The following SLCO5A1 variants were observed in gnomAD, a reference collection of about 807,000 sequenced individuals.
SLCO5A1 encodes organic anion transporter polypeptide-related protein 4.
Under a neutral mutation model 65.1 loss-of-function variants are expected in SLCO5A1, and 39 were observed. The ratio of observed to expected loss-of-function variants is 0.60; its 90% CI spans 0.46 to 0.78. SLCO5A1 has a LOEUF of 0.78. Among genes scored for constraint, SLCO5A1 ranks in the 30% least tolerant of loss-of-function variants. The probability of loss-of-function intolerance (pLI) is 0.00; values close to 1 mark genes in which losing one functional copy is unlikely to be tolerated. For synonymous variants in SLCO5A1, 438 were observed against 415.7 expected (o/e 1.05, Z -0.65); for missense variants, 1,029 against 1,069.4 (o/e 0.96, Z 0.53).
chr8:69,733,997 G>T (rs1470983269), intron 5 of SLCO5A1, among the ~76,000 whole-genome samples: 1 of 151,162 alleles, frequency 6.6e-6, no homozygotes, highest in African/African-American at 2.4e-5. Flanking sequence ...AAGACCATGA[G>T]CAGGGAGAGC....
intron 2 of SLCO5A1, among the ~76,000 whole-genome samples, chr8:69,804,607 T>C (rs751635899): frequency 6.6e-6 from 1 of 152,216 alleles, no homozygotes; most frequent in African/African-American, 2.4e-5. Flanking sequence ...TGAGCCACCG[T>C]GCCCAGCTGC....
chr8:69,669,255 T>C lies in SLCO5A1; in HGVS notation c.*3614A>G, dbSNP rs1813264926. ...TAAATCTTGATATTTCCTACAGATG[T>C]TTCCTACAGTTTTTTTTATTTACAC... On this transcript the variant is annotated 3_prime_UTR_variant, in exon 10 of 10. Transcript: ENST00000260126. The C allele has an allele frequency of 6.6e-6, 1 of 152,224 alleles. No homozygotes were observed. The highest frequency in any genetic ancestry group is 1.5e-5 in the Non-Finnish European group (1 of 68,042). 9.4% of individuals were successfully genotyped at this position (152,224 alleles called of 1,614,324 possible). A position where few individuals can be genotyped will look rare whatever the true frequency, so the allele number is the denominator to read the frequency against.
intron 2 of SLCO5A1, among the ~76,000 whole-genome samples, chr8:69,786,255 G>A (rs1029033925): frequency 6.6e-6 from 1 of 152,118 alleles, no homozygotes; most frequent in Non-Finnish European, 1.5e-5. Context: ...TATCAGGGAT[G>A]GCCTGAATAA....
chr8:69,686,109 CCTAA>C (rs1813988049), intron 6 of SLCO5A1, among the ~76,000 whole-genome samples: 1 of 151,912 alleles, frequency 6.6e-6, no homozygotes, highest in South Asian at 2.1e-4. Flanking sequence ...AGAGAAGTCC[CCTAA>C]CTTTTTTAAG....
intron 2 of SLCO5A1, among the ~76,000 whole-genome samples, chr8:69,829,265 A>G (rs1821060623): frequency 6.6e-6 from 1 of 152,348 alleles, no homozygotes; most frequent in South Asian, 2.1e-4. Context: ...CTTCTAGTAT[A>G]CAAGAAATAT....
chr8:69,678,949 A>G (rs1813654431), intron 8 of SLCO5A1, among the ~76,000 whole-genome samples: 1 of 152,208 alleles, frequency 6.6e-6, no homozygotes, highest in South Asian at 2.1e-4. Flanking sequence ...GGCAGTAACT[A>G]TCTATAAGGT....
At chr8:69,770,190 T>C (rs1392286636) in intron 2 of SLCO5A1, among the ~76,000 whole-genome samples, 1 of 152,220 alleles carries the variant, frequency 6.6e-6, no homozygotes, top group Admixed American at 6.5e-5. Flanking sequence ...TTATACTTCA[T>C]AGTCAATCCC....
chr8:69,693,681 A>G (rs1229211365), intron 6 of SLCO5A1, among the ~76,000 whole-genome samples: 1 of 152,234 alleles, frequency 6.6e-6, no homozygotes, highest in Non-Finnish European at 1.5e-5. Context: ...ATAAGGAGAA[A>G]AATACCATTA....
rs138994211 is a variant in SLCO5A1 at position 69,766,681 on chromosome 8, A to T, written c.908-4806T>A. Among the ~76,000 whole-genome samples, 28 of 152,264 alleles carry T rather than the reference A, an allele frequency of 1.8e-4. 1 individual carries two copies. In the East Asian group the frequency reaches 4.2e-3, roughly 23 times the overall value. On this transcript the variant is annotated intron_variant, in intron 2 of 9. Transcript: ENST00000260126. ...CTAAAAATTAAAGACTCTTTGCCCA[A>T]TTCTTACCACCCCTTTTCCCGCTTT...
intron 6 of SLCO5A1, among the ~76,000 whole-genome samples, chr8:69,703,475 G>A (rs557889338): frequency 3.3e-5 from 5 of 152,308 alleles, no homozygotes; most frequent in Admixed American, 6.5e-5. Flanking sequence ...GTGACCGGGA[G>A]TTCAAGACCA....
At chr8:69,825,278 G>T (rs545631853) in intron 2 of SLCO5A1, among the ~76,000 whole-genome samples, 2 of 152,174 alleles carry the variant, frequency 1.3e-5, no homozygotes, top group African/African-American at 2.4e-5. Context: ...GTTCTGGCCA[G>T]GGCAATCAGG....
chr8:69,834,238 C>T (rs1399704156), intron 1 of SLCO5A1: 1 of 152,852 alleles, frequency 6.5e-6, no homozygotes, highest in Non-Finnish European at 1.5e-5. Context: ...TGGGGACCCC[C>T]ACTCCACTCC....
At chr8:69,772,572 A>AGGAAG (rs1818367723) in intron 2 of SLCO5A1, among the ~76,000 whole-genome samples, 1 of 69,364 alleles carries the variant, frequency 1.4e-5, no homozygotes, top group Non-Finnish European at 3.1e-5. Context: ...GAGAAAGGAA[A>AGGAAG]GGAAAGGAAA....
chr8:69,686,247 A>T (rs899600871), intron 6 of SLCO5A1, among the ~76,000 whole-genome samples: 3 of 151,980 alleles, frequency 2.0e-5, no homozygotes, highest in African/African-American at 4.8e-5. Context: ...AAAGAGAGAG[A>T]AGACCTCTTT....
At chr8:69,744,482 A>G (rs1361624905) in intron 4 of SLCO5A1, among the ~76,000 whole-genome samples, 5 of 152,190 alleles carry the variant, frequency 3.3e-5, no homozygotes, top group African/African-American at 1.2e-4. Context: ...CAGCTTCTCT[A>G]GACAGTCTAG....
At chr8:69,728,139 C>T (rs1216983152) in intron 5 of SLCO5A1, among the ~76,000 whole-genome samples, 5 of 152,052 alleles carry the variant, frequency 3.3e-5, no homozygotes, top group Non-Finnish European at 5.9e-5. Flanking sequence ...TGGTACAGAA[C>T]AGGGCATATA....
chr8:69,699,232 T>A (rs1814621712), intron 6 of SLCO5A1, among the ~76,000 whole-genome samples: 1 of 152,156 alleles, frequency 6.6e-6, no homozygotes, highest in Admixed American at 6.5e-5. Flanking sequence ...GGCTCTGGCA[T>A]AAGAGCACCA....
chr8:69,763,265 C>T (rs1039138685), intron 2 of SLCO5A1, among the ~76,000 whole-genome samples: 8 of 151,688 alleles, frequency 5.3e-5, no homozygotes, highest in East Asian at 3.9e-4. Context: ...GCCAAGATAA[C>T]GCCATCGCGC....
chr8:69,821,728 C>G (rs1304035987), intron 2 of SLCO5A1, among the ~76,000 whole-genome samples: 2 of 151,342 alleles, frequency 1.3e-5, no homozygotes, highest in Non-Finnish European at 2.9e-5. Flanking sequence ...ACACCTGAGC[C>G]CAGGGAACTT....
Sources: gnomAD v4.1 joint callset for allele counts (sites outside exome capture counted in the v4.1 genomes callset) on GRCh38, gnomAD v4.1.1 for gene constraint, MANE v1.5 for transcripts, NCBI Gene and HGNC (gene_info 2026-07-23, HGNC 2026-07-21) for gene names.